Variants in ZFPM2 observed in about 807,000 individuals in gnomAD.
ZFPM2 encodes zinc finger protein, FOG family member 2.
ZFPM2 carries 20 observed loss-of-function variants against 98.6 expected under a neutral mutation model. That is an observed-to-expected ratio of 0.20 (90% CI 0.14 to 0.29). The LOEUF (loss-of-function observed/expected upper bound fraction) is 0.29, where lower values mean the gene tolerates loss of function less well. Ranked by LOEUF, ZFPM2 falls within the 10% of genes least tolerant of loss-of-function variation. The pLI is 1.00. For synonymous variants in ZFPM2, 518 were observed against 502.7 expected (o/e 1.03, Z -0.41); for missense variants, 1,310 against 1,388.6 (o/e 0.94, Z 0.90).
Position 105,708,307 on chromosome 8 carries a change from A to G in ZFPM2, c.532+73950A>G, listed in dbSNP as rs187256808. Among the ~76,000 whole-genome samples, 900 of 152,326 alleles carry G rather than the reference A, an allele frequency of 5.9e-3. 5 individuals carry two copies. Among genetic ancestry groups the G allele is most frequent in the Non-Finnish European group, 9.6e-3 (655 of 68,026 alleles). On this transcript the variant is annotated intron_variant, in intron 5 of 7. Coordinates refer to ENST00000407775, the MANE Select transcript of ZFPM2 (RefSeq NM_012082.4). ...TGGTCTAGTAATTTTAGGATTTTGTATAATAAAGATATCTAATTGTGTATG... is the reference window on the plus strand; with the variant it reads ...TGGTCTAGTAATTTTAGGATTTTGTGTAATAAAGATATCTAATTGTGTATG...
At chr8:105,625,971 GAA>G (rs529659546) in intron 4 of ZFPM2, among the ~76,000 whole-genome samples, 4 of 138,578 alleles carry the variant, frequency 2.9e-5, no homozygotes, top group African/African-American at 8.1e-5. Context: ...CTATTTTCTG[GAA>G]AAAAAAAAAA....
In ZFPM2 at chr8:105,321,715, G is replaced by T. The variant is rs183886735; in HGVS notation, c.40+2734G>T. On this transcript the variant is annotated intron_variant, in intron 1 of 7. Coordinates refer to ENST00000407775, the MANE Select transcript of ZFPM2 (RefSeq NM_012082.4). ...GGTGCTCTCCGGGCAGCGATAAAAA[G>T]GCGACGCTGAAAGAGCACCATTAAT... Among the ~76,000 whole-genome samples the T allele has an allele frequency of 4.6e-5, 7 of 152,202 alleles. No individual in the cohort carries two copies. The East Asian group carries it at 1.2e-3, about 25-fold the overall frequency.
rs1219159887 is a variant in ZFPM2, at chr8:105,634,335, C to G, written c.510C>G (p.Asn170Lys). Reference protein sequence around the residue: ...VTWQGVEDNKNNCIVYSKGGQ... With the variant: ...VTWQGVEDNKKNCIVYSKGGQ... ...GGCAAGGAGTGGAAGACAACAAAAA[C>G]AACTGCATTGTGTACAGCAAAGGTA... Residue 170 changes from asparagine (N) to lysine (K), a missense_variant, in exon 5 of 8, where the codon AAC (asparagine) becomes AAG (lysine). Physicochemically the swap from Asn to Lys is moderately conservative, Grantham distance 94 (BLOSUM62 0). Coordinates refer to ENST00000407775, the MANE Select transcript of ZFPM2 (RefSeq NM_012082.4). The G allele has an allele frequency of 6.2e-7, 1 of 1,612,402 alleles. No individual in the cohort carries two copies. Among genetic ancestry groups the G allele is most frequent in the Admixed American group, 1.7e-5 (1 of 59,864 alleles).
chr8:105,708,993 G>T (rs73700133), intron 5 of ZFPM2, among the ~76,000 whole-genome samples: 2,416 of 152,200 alleles, frequency 0.016, 39 homozygotes, highest in African/African-American at 0.055. Flanking sequence ...AATTAGAATT[G>T]TTCATTACTT....
intron 2 of ZFPM2, among the ~76,000 whole-genome samples, chr8:105,428,867 G>A (rs999859628): frequency 6.6e-6 from 1 of 152,180 alleles, no homozygotes; most frequent in Admixed American, 6.5e-5. Context: ...AACTAGAAAA[G>A]TAAGCAGTGC....
chr8:105,515,187 C>T (rs1179902938), intron 3 of ZFPM2, among the ~76,000 whole-genome samples: 1 of 152,100 alleles, frequency 6.6e-6, no homozygotes, highest in Non-Finnish European at 1.5e-5. Flanking sequence ...TATAATTAAC[C>T]ATGTATTAAT....
chr8:105,422,448 A>AAAT (rs35747182), intron 2 of ZFPM2, among the ~76,000 whole-genome samples: 62,292 of 151,298 alleles, frequency 0.41, 14,873 homozygotes, highest in East Asian at 0.67. Flanking sequence ...CTCAAAAAGA[A>AAAT]AATAATAATA....
chr8:105,694,842 TTTACA>T (rs1810977404), intron 5 of ZFPM2, among the ~76,000 whole-genome samples: 1 of 152,176 alleles, frequency 6.6e-6, no homozygotes, highest in Non-Finnish European at 1.5e-5. Flanking sequence ...TTCCTATTTC[TTTACA>T]TTAAGAACAA....
At position 105,772,931 on chromosome 8, in the gene ZFPM2, C is replaced by T. The variant is rs573992741; in HGVS notation, c.533-15787C>T. The stretch of plus-strand genomic sequence containing the variant: ...ATGCTTTGTTATCTTGACATGGGCA[C>T]GTGAGTTGAATGCAGTGCCATTTAG... On this transcript the variant is annotated intron_variant, in intron 5 of 7. Transcript: ENST00000407775. Among the ~76,000 whole-genome samples the T allele has an allele frequency of 9.2e-5, 14 of 152,154 alleles. No homozygotes were observed. The East Asian group carries it at 2.3e-3, about 25-fold the overall frequency.
chr8:105,349,987 A>G (rs763997194), intron 1 of ZFPM2, among the ~76,000 whole-genome samples: 5 of 152,198 alleles, frequency 3.3e-5, no homozygotes, highest in Non-Finnish European at 5.9e-5. Flanking sequence ...TGTAACTAAC[A>G]CTGAAATGAC....
chr8:105,752,932 T>C (rs766754433), intron 5 of ZFPM2, among the ~76,000 whole-genome samples: 17 of 152,244 alleles, frequency 1.1e-4, no homozygotes, highest in African/African-American at 3.1e-4. Flanking sequence ...TTTCTTATAA[T>C]TGGGGAGAGG....
chr8:105,342,512 A>G (rs1459769128), intron 1 of ZFPM2, among the ~76,000 whole-genome samples: 3 of 152,052 alleles, frequency 2.0e-5, no homozygotes, highest in Non-Finnish European at 2.9e-5. Flanking sequence ...GCTCACTAAC[A>G]TTAATGGGAC....
chr8:105,388,829 G>A (rs1811051479), intron 1 of ZFPM2, among the ~76,000 whole-genome samples: 1 of 152,106 alleles, frequency 6.6e-6, no homozygotes, highest in East Asian at 1.9e-4. Flanking sequence ...TGTGTGCTCA[G>A]TTCCCTGAAA....
intron 1 of ZFPM2, among the ~76,000 whole-genome samples, chr8:105,417,546 G>A (rs1811702594): frequency 6.6e-6 from 1 of 151,866 alleles, no homozygotes; most frequent in African/African-American, 2.4e-5. Flanking sequence ...ATTAGACTTA[G>A]CATTAATAAT....
rs1250804682 is a variant in ZFPM2 at position 105,318,685 on chromosome 8, C to T, written c.-257C>T. 6.6e-6 allele frequency: 1 copy of T among 151,440 alleles called. No individual in the cohort carries two copies. Among genetic ancestry groups the T allele is most frequent in the Admixed American group, 6.6e-5 (1 of 15,148 alleles). 9.4% of individuals were successfully genotyped at this position (151,440 alleles called of 1,614,324 possible). ...TTGTACATTCCCATTCTCCCCCCGT[C>T]GCTCTCCTCTCCCCCTCCCCTCCTC... On this transcript the variant is annotated 5_prime_UTR_variant, in exon 1 of 8. Transcript: ENST00000407775.
intron 1 of ZFPM2, among the ~76,000 whole-genome samples, chr8:105,348,131 C>T (rs551774427): frequency 5.6e-4 from 85 of 152,266 alleles, no homozygotes; most frequent in African/African-American, 1.9e-3. Flanking sequence ...GTTCTTTGAG[C>T]CTCTCACAGG....
intron 1 of ZFPM2, among the ~76,000 whole-genome samples, chr8:105,366,980 G>T (rs1810525597): frequency 7.1e-6 from 1 of 140,838 alleles, no homozygotes; most frequent in Admixed American, 7.1e-5. Flanking sequence ...ATTAAATAGG[G>T]AATCCTTTCC....
chr8:105,468,769 T>G (rs1468714560), intron 3 of ZFPM2, among the ~76,000 whole-genome samples: 2 of 152,188 alleles, frequency 1.3e-5, no homozygotes, highest in African/African-American at 4.8e-5. Context: ...CTCAACAATC[T>G]AAGGCCCTGA....
rs566547199 is a variant in ZFPM2 at position 105,405,567 on chromosome 8, A to G, written c.41-13577A>G. 8.8e-4 allele frequency among the ~76,000 whole-genome samples: 134 copies of G among 151,858 alleles called. 1 individual carries two copies. The highest frequency in any genetic ancestry group is 3.4e-3 in the Middle Eastern group (1 of 292). On this transcript the variant is annotated intron_variant, in intron 1 of 7. Transcript: ENST00000407775. ...TCCTTGCAATAGTTTGCTGAGAATG[A>G]TGGTTTCCAGCTTCATCCATGTCCC...
Sources: allele counts gnomAD v4.1 joint callset (sites outside exome capture counted in the v4.1 genomes callset), GRCh38; gene constraint gnomAD v4.1.1; transcripts MANE v1.5; gene names NCBI Gene and HGNC (gene_info 2026-07-23, HGNC 2026-07-21).